Variants in PAPPA observed in about 807,000 individuals in gnomAD.
The protein encoded by PAPPA is pappalysin-1.
In PAPPA, 60 loss-of-function variants were observed where a neutral mutation model predicts 164.0. The observed-to-expected ratio is 0.37, with a 90% CI of 0.30 to 0.45. The LOEUF (loss-of-function observed/expected upper bound fraction) is 0.45. Ranked by LOEUF, PAPPA falls within the 20% of genes least tolerant of loss-of-function variation. PAPPA has a pLI of 1.00. For missense variants in PAPPA, 1,782 were observed against 2,087.3 expected, an observed-to-expected ratio of 0.85 and a Z score of 2.85; for synonymous variants, 875 against 814.1, an observed-to-expected ratio of 1.07 and a Z score of -1.27.
At chr9:116,285,354 A>T (rs1845324806) in intron 9 of PAPPA, among the ~76,000 whole-genome samples, 1 of 150,658 alleles carries the variant, frequency 6.6e-6, no homozygotes, top group Non-Finnish European at 1.5e-5. Flanking sequence ...ATTTTTGTAG[A>T]CATGGGGTCT....
At chr9:116,179,403 G>A (rs1843876502) in intron 1 of PAPPA, among the ~76,000 whole-genome samples, 2 of 152,162 alleles carry the variant, frequency 1.3e-5, no homozygotes, top group South Asian at 4.1e-4. Context: ...GGAAACACCT[G>A]AGCTAACCCT....
chr9:116,259,821 G>A (rs1844980233), intron 7 of PAPPA, among the ~76,000 whole-genome samples: 1 of 152,090 alleles, frequency 6.6e-6, no homozygotes, highest in South Asian at 2.1e-4. Flanking sequence ...CTTGCTATGT[G>A]CACAGAGGAA....
At chr9:116,159,877 G>T (rs888864783) in intron 1 of PAPPA, among the ~76,000 whole-genome samples, 1 of 152,230 alleles carries the variant, frequency 6.6e-6, no homozygotes, top group Non-Finnish European at 1.5e-5. Context: ...CAACAGGAAA[G>T]TTGAGGACCA....
chr9:116,300,095 C>T (rs908029440), intron 9 of PAPPA, among the ~76,000 whole-genome samples: 2 of 151,960 alleles, frequency 1.3e-5, no homozygotes, highest in East Asian at 1.9e-4. Context: ...CTAGGTTATA[C>T]GATATGTAGA....
intron 17 of PAPPA, among the ~76,000 whole-genome samples, chr9:116,358,230 G>A (rs1030325501): frequency 6.6e-6 from 1 of 152,172 alleles, no homozygotes; most frequent in African/African-American, 2.4e-5. Context: ...CTTATCCTGA[G>A]TCATACAAGC....
In PAPPA at chr9:116,216,914, G is replaced by A. The variant is rs149811286; in HGVS notation, c.1919-3023G>A. On this transcript the variant is annotated intron_variant, in intron 4 of 21. Coordinates refer to ENST00000328252, the MANE Select transcript of PAPPA (RefSeq NM_002581.5). ...GCACCACCATGCCCAGCTAATTTTT[G>A]TATTTTTGGTGGAGACAGGGTTTCA... Among the ~76,000 whole-genome samples the A allele has an allele frequency of 7.7e-3, 1,167 of 152,040 alleles. 19 individuals carry two copies. Among genetic ancestry groups the A allele is most frequent in the African/African-American group, 0.027 (1,121 of 41,474 alleles).
At chr9:116,322,887 T>C (rs1347777305) in intron 10 of PAPPA, among the ~76,000 whole-genome samples, 1 of 152,170 alleles carries the variant, frequency 6.6e-6, no homozygotes, top group East Asian at 1.9e-4. Flanking sequence ...CCATTCCTTT[T>C]CCTATTTTCT....
chr9:116,289,395 G>A (rs1324304377), intron 9 of PAPPA, among the ~76,000 whole-genome samples: 1 of 96,204 alleles, frequency 1.0e-5, no homozygotes, highest in Non-Finnish European at 2.2e-5. Flanking sequence ...TGTATATATA[G>A]CTATATATAT....
chr9:116,338,795 G>C (rs1017284784), intron 13 of PAPPA, among the ~76,000 whole-genome samples: 2 of 152,184 alleles, frequency 1.3e-5, no homozygotes, highest in African/African-American at 4.8e-5. Flanking sequence ...CCCCATCAGT[G>C]ATCTACCAGA....
intron 13 of PAPPA, among the ~76,000 whole-genome samples, chr9:116,337,013 C>T (rs565350987): frequency 8.5e-5 from 13 of 152,296 alleles, no homozygotes; most frequent in Non-Finnish European, 1.8e-4. Flanking sequence ...ACCTCTTCTG[C>T]GAGGTATGGC....
At chr9:116,335,754 T>C (rs528939489) in intron 13 of PAPPA, among the ~76,000 whole-genome samples, 1 of 152,304 alleles carries the variant, frequency 6.6e-6, no homozygotes, top group East Asian at 1.9e-4. Context: ...ACATTACCAC[T>C]TCTTGAATGG....
intron 9 of PAPPA, among the ~76,000 whole-genome samples, chr9:116,282,643 G>A (rs1845281550): frequency 6.6e-6 from 1 of 152,206 alleles, no homozygotes; most frequent in South Asian, 2.1e-4. Context: ...AGGGATTCTA[G>A]CCCTGGAAGT....
At chr9:116,259,537 T>A (rs903337113) in intron 7 of PAPPA, among the ~76,000 whole-genome samples, 3 of 152,142 alleles carry the variant, frequency 2.0e-5, no homozygotes, top group Non-Finnish European at 4.4e-5. Flanking sequence ...CACAAACATG[T>A]GAAAAGATAC....
At position 116,262,719 on chromosome 9, in the gene PAPPA, A is replaced by G. The variant is rs145238880; in HGVS notation, c.2733-3138A>G. Among the ~76,000 whole-genome samples, 560 of 152,296 alleles carry G rather than the reference A, an allele frequency of 3.7e-3. 2 individuals carry two copies. Among genetic ancestry groups the G allele is most frequent in the African/African-American group, 0.013 (529 of 41,566 alleles). ...GAGGGCTTAGGGTCCATCTGAATGT[A>G]GGAGGCACAGGAGGGGAAGGAGTTC... On this transcript the variant is annotated intron_variant, in intron 7 of 21. Coordinates refer to ENST00000328252, the MANE Select transcript of PAPPA (RefSeq NM_002581.5).
chr9:116,283,724 G>A (rs118033375), intron 9 of PAPPA, among the ~76,000 whole-genome samples: 2,424 of 152,300 alleles, frequency 0.016, 31 homozygotes, highest in South Asian at 0.035. Context: ...ACTCTGAAAG[G>A]TCCTGGCTGG....
intron 19 of PAPPA, chr9:116,373,700 G>A (rs1028889380): frequency 4.6e-5 from 7 of 152,072 alleles, no homozygotes; most frequent in Middle Eastern, 6.8e-3. Context: ...TCTTCCCATC[G>A]GTCAAAAAAG....
At chr9:116,352,380 C>G (rs1225152569) in intron 15 of PAPPA, among the ~76,000 whole-genome samples, 1 of 152,056 alleles carries the variant, frequency 6.6e-6, no homozygotes, top group Non-Finnish European at 1.5e-5. Context: ...GCTCAGATGC[C>G]CATTTGTAAA....
At chr9:116,161,982 C>G (rs190194136) in intron 1 of PAPPA, among the ~76,000 whole-genome samples, 42 of 152,242 alleles carry the variant, frequency 2.8e-4, no homozygotes, top group African/African-American at 9.6e-4. Flanking sequence ...AGGGACTCCC[C>G]CAAGGTCGCA....
intron 4 of PAPPA, among the ~76,000 whole-genome samples, chr9:116,216,435 T>A (rs1228863785): frequency 6.6e-6 from 1 of 152,178 alleles, no homozygotes; most frequent in African/African-American, 2.4e-5. Context: ...GGGTACCGTA[T>A]CAACAGCATG....
Sources: gnomAD v4.1 joint callset for allele counts (sites outside exome capture counted in the v4.1 genomes callset) on GRCh38, gnomAD v4.1.1 for gene constraint, MANE v1.5 for transcripts, NCBI Gene and HGNC (gene_info 2026-07-23, HGNC 2026-07-21) for gene names.